Variants in TMEM108 observed in about 807,000 individuals in gnomAD.
The protein encoded by TMEM108 is transmembrane protein 108.
In TMEM108, 12 loss-of-function variants were observed where a neutral mutation model predicts 35.1. The observed-to-expected ratio is 0.34, with a 90% CI of 0.22 to 0.55. The LOEUF is 0.55. Among genes scored for constraint, TMEM108 ranks in the 20% least tolerant of loss-of-function variants. TMEM108 has a pLI of 0.89. For missense variants in TMEM108, 680 were observed against 753.3 expected (o/e 0.90, Z 1.14); for synonymous variants, 287 against 308.6 (o/e 0.93, Z 0.73).
chr3:133,190,308 A>G (rs1427974335), intron 2 of TMEM108, among the ~76,000 whole-genome samples: 1 of 152,150 alleles, frequency 6.6e-6, no homozygotes, highest in Non-Finnish European at 1.5e-5. Context: ...GATTTTATTT[A>G]TATCAGGGGA....
chr3:133,197,751 T>C (rs1576376068), intron 2 of TMEM108, among the ~76,000 whole-genome samples: 1 of 152,054 alleles, frequency 6.6e-6, no homozygotes, highest in African/African-American at 2.4e-5. Context: ...AAATCAGAGG[T>C]GAAGCCAAGA....
chr3:133,091,804 A>C (rs1943949886), intron 2 of TMEM108, among the ~76,000 whole-genome samples: 1 of 152,172 alleles, frequency 6.6e-6, no homozygotes, highest in South Asian at 2.1e-4. Flanking sequence ...CTTTGACTAA[A>C]GGCAGAAAAT....
intron 3 of TMEM108, among the ~76,000 whole-genome samples, chr3:133,365,026 C>T (rs555043697): frequency 5.9e-5 from 9 of 152,300 alleles, no homozygotes; most frequent in African/African-American, 1.9e-4. Flanking sequence ...ATTCCTTTTA[C>T]AGGAACCAGT....
intron 3 of TMEM108, among the ~76,000 whole-genome samples, chr3:133,367,229 A>G (rs965842123): frequency 2.0e-5 from 3 of 152,224 alleles, no homozygotes; most frequent in Non-Finnish European, 2.9e-5. Flanking sequence ...TGTCATTCTC[A>G]GGATAGGCTT....
chr3:133,387,018 C>G, intron 4 of TMEM108: 1 of 985,734 alleles, frequency 1.0e-6, no homozygotes, highest in Non-Finnish European at 1.2e-6. Context: ...GTAAGTCTGA[C>G]TTGTACTTTT....
chr3:133,172,030 T>C (rs1945137634), intron 2 of TMEM108, among the ~76,000 whole-genome samples: 1 of 152,228 alleles, frequency 6.6e-6, no homozygotes, highest in Non-Finnish European at 1.5e-5. Context: ...ATTCTTTACA[T>C]ACTTTGATGA....
chr3:133,142,768 A>G (rs1220648025), intron 2 of TMEM108, among the ~76,000 whole-genome samples: 1 of 152,228 alleles, frequency 6.6e-6, no homozygotes, highest in Admixed American at 6.5e-5. Context: ...CTGTTAGTGT[A>G]GTATAATTAT....
intron 3 of TMEM108, among the ~76,000 whole-genome samples, chr3:133,371,158 A>G (rs1385574762): frequency 3.3e-5 from 5 of 152,186 alleles, no homozygotes; most frequent in African/African-American, 4.8e-5. Context: ...TCACTGAAAG[A>G]GCTTTGATTT....
chr3:133,278,229 T>G (rs1016153857), intron 3 of TMEM108, among the ~76,000 whole-genome samples: 2 of 152,152 alleles, frequency 1.3e-5, no homozygotes, highest in Admixed American at 6.5e-5. Flanking sequence ...GAGCTGTGAG[T>G]GAATAGCAAT....
intron 2 of TMEM108, among the ~76,000 whole-genome samples, chr3:133,078,939 A>G (rs149030445): frequency 1.1e-3 from 168 of 152,338 alleles, no homozygotes; most frequent in Non-Finnish European, 1.7e-3. Context: ...TAAGGGTGTT[A>G]AGATGCTTAA....
chr3:133,144,919 C>T (rs1239031993), intron 2 of TMEM108, among the ~76,000 whole-genome samples: 1 of 152,118 alleles, frequency 6.6e-6, no homozygotes, highest in Non-Finnish European at 1.5e-5. Context: ...TGTAGGTTGC[C>T]TGTTCACTCT....
At position 133,371,613 on chromosome 3, in the gene TMEM108, C is replaced by CAAAAAAAAAAAAAAAAAAAA. The variant is rs3054624; in HGVS notation, c.41-8132_41-8113dup. On this transcript the variant is annotated intron_variant, in intron 3 of 5. Transcript: ENST00000321871. Reference sequence around the variant, plus strand: ...ATCACTGCAGCCAGTCACAAACCCACAAAAAAAAAAAAAAAAAAAAAAAAA... The same window carrying CAAAAAAAAAAAAAAAAAAAA: ...ATCACTGCAGCCAGTCACAAACCCACAAAAAAAAAAAAAAAAAAAAAAAAAAAAAAAAAAAAAAAAAAAAA... 2.2e-4 allele frequency among the ~76,000 whole-genome samples: 17 copies of CAAAAAAAAAAAAAAAAAAAA among 78,096 alleles called. 1 individual carries two copies. The highest frequency in any genetic ancestry group is 1.0e-3 in the African/African-American group (17 of 16,948). 51.2% of individuals were successfully genotyped at this position (78,096 alleles called of 152,430 possible).
chr3:133,130,000 G>C (rs900617701), intron 2 of TMEM108, among the ~76,000 whole-genome samples: 17 of 674 alleles, frequency 0.025, no homozygotes, highest in African/African-American at 0.071. Flanking sequence ...AAATATTAAA[G>C]GACTTTTTTG....
intron 2 of TMEM108, among the ~76,000 whole-genome samples, chr3:133,116,957 A>G (rs958220915): frequency 6.6e-6 from 1 of 152,090 alleles, no homozygotes; most frequent in Admixed American, 6.6e-5. Flanking sequence ...TTTAGTAGAG[A>G]TGGGGTTTCA....
chr3:133,257,482 GT>G (rs1384178574), intron 3 of TMEM108, among the ~76,000 whole-genome samples: 3 of 152,180 alleles, frequency 2.0e-5, no homozygotes, highest in Non-Finnish European at 4.4e-5. Flanking sequence ...ATTTGGAACA[GT>G]TGAACCTGAC....
At chr3:133,168,768 A>G (rs1450076676) in intron 2 of TMEM108, among the ~76,000 whole-genome samples, 1 of 152,142 alleles carries the variant, frequency 6.6e-6, no homozygotes, top group Non-Finnish European at 1.5e-5. Flanking sequence ...TTTGCAATAA[A>G]TATTGCTGCT....
At chr3:133,161,986 G>A (rs973217412) in intron 2 of TMEM108, among the ~76,000 whole-genome samples, 1 of 152,180 alleles carries the variant, frequency 6.6e-6, no homozygotes, top group Admixed American at 6.5e-5. Flanking sequence ...AGTGAAGTTG[G>A]GGGTGGTGGA....
intron 2 of TMEM108, among the ~76,000 whole-genome samples, chr3:133,069,795 G>A (rs1367089367): frequency 1.3e-5 from 2 of 152,044 alleles, no homozygotes; most frequent in Non-Finnish European, 2.9e-5. Context: ...TCAAAGTCCC[G>A]CTGTATAATT....
chr3:133,258,292 A>G (rs1465892015), intron 3 of TMEM108, among the ~76,000 whole-genome samples: 1 of 152,196 alleles, frequency 6.6e-6, no homozygotes, highest in East Asian at 1.9e-4. Flanking sequence ...AGCTTCCAAA[A>G]CTATGAGAAG....
Sources: gnomAD v4.1 joint callset for allele counts (sites outside exome capture counted in the v4.1 genomes callset) on GRCh38, gnomAD v4.1.1 for gene constraint, MANE v1.5 for transcripts, NCBI Gene and HGNC (gene_info 2026-07-23, HGNC 2026-07-21) for gene names.